MYO16: variants seen among roughly 807,000 people sequenced by gnomAD.
The protein encoded by MYO16 is unconventional myosin-XVI.
A neutral mutation model predicts 205.3 loss-of-function variants in MYO16; 94 were observed. The ratio of observed to expected loss-of-function variants is 0.46; its 90% CI spans 0.39 to 0.54. The LOEUF (loss-of-function observed/expected upper bound fraction) is 0.54. MYO16 is among the 20% of genes least tolerant of loss of function. The pLI, the probability that MYO16 is intolerant of heterozygous loss-of-function variation, is 0.00. For missense variants in MYO16, 2,315 were observed against 2,387.5 expected, an observed-to-expected ratio of 0.97 and a Z score of 0.63; for synonymous variants, 988 against 954.0, an observed-to-expected ratio of 1.04 and a Z score of -0.66.
Position 109,006,973 on chromosome 13 carries a change from G to C in MYO16, c.2443-1924G>C, listed in dbSNP as rs1157901078. On this transcript the variant is annotated intron_variant, in intron 21 of 34. Transcript: ENST00000457511. ...AGCTAGAAAGCCAAGAGAGTGTGGTGTCCCGGAGGAGAGGGGAGAAAGTGC... is the reference window on the plus strand; with the variant it reads ...AGCTAGAAAGCCAAGAGAGTGTGGTCTCCCGGAGGAGAGGGGAGAAAGTGC... Among the ~76,000 whole-genome samples, 22 of 152,274 alleles carry C rather than the reference G, an allele frequency of 1.4e-4. No individual in the cohort carries two copies. The East Asian group carries it at 4.3e-3, about 29-fold the overall frequency.
intron 16 of MYO16, among the ~76,000 whole-genome samples, chr13:108,930,840 C>G (rs1379471671): frequency 1.3e-5 from 2 of 152,052 alleles, no homozygotes; most frequent in African/African-American, 4.8e-5. Flanking sequence ...AGCATTTGCT[C>G]TATACTGTAT....
At chr13:108,526,878 T>C in the MYO16 span, among the ~76,000 whole-genome samples, 446 of 152,332 alleles carry the variant, frequency 2.9e-3, 11 homozygotes, top group East Asian at 0.047. Flanking sequence ...AGCAGAGTAC[T>C]GTCAGGGTTA....
At chr13:108,831,193 G>T (rs1043089185) in intron 9 of MYO16, among the ~76,000 whole-genome samples, 1 of 152,064 alleles carries the variant, frequency 6.6e-6, no homozygotes, top group Non-Finnish European at 1.5e-5. Context: ...GATAAATGTA[G>T]GGGCCACACA....
intron 6 of MYO16, among the ~76,000 whole-genome samples, chr13:108,805,290 T>A (rs1014983956): frequency 6.6e-5 from 10 of 152,148 alleles, no homozygotes; most frequent in Admixed American, 2.0e-4. Context: ...TGAAACAGTG[T>A]CTTCATTTAG....
At chr13:108,830,390 C>T (rs12021179) in intron 9 of MYO16, among the ~76,000 whole-genome samples, 2 of 145,580 alleles carry the variant, frequency 1.4e-5, no homozygotes, top group Admixed American at 1.4e-4. Context: ...ACTGGATTAA[C>T]AAAATGTGGC....
At chr13:108,644,362 G>GTCTGTCTGTCTGTCTGTCTA (rs1162945930) in intron 1 of MYO16, among the ~76,000 whole-genome samples, 32 of 148,000 alleles carry the variant, frequency 2.2e-4, no homozygotes, top group African/African-American at 8.0e-4. Context: ...CTGTCTGTCT[G>GTCTGTCTGTCTGTCTGTCTA]TCTATCTATC....
intron 16 of MYO16, among the ~76,000 whole-genome samples, chr13:108,936,145 CTTCT>C (rs1469347495): frequency 9.9e-4 from 134 of 134,994 alleles, no homozygotes; most frequent in African/African-American, 3.5e-3. Flanking sequence ...TCCTTCCTTC[CTTCT>C]TTCCTTCCTT....
rs538308901 is a variant in MYO16, at chr13:108,892,517, G to A, written c.1659+4040G>A. 4.6e-5 allele frequency among the ~76,000 whole-genome samples: 7 copies of A among 152,210 alleles called. No homozygotes were observed. In the South Asian group the frequency reaches 1.0e-3, roughly 23 times the overall value. On this transcript the variant is annotated intron_variant, in intron 14 of 34. Transcript: ENST00000457511. ...CAGCCTCCCAAAGTGCTGGGATTAC[G>A]GACATGAGCCACTGCACCTGGCCGG...
chr13:109,034,279 A>G (rs1242277043), intron 23 of MYO16, among the ~76,000 whole-genome samples: 1 of 152,196 alleles, frequency 6.6e-6, no homozygotes, highest in Non-Finnish European at 1.5e-5. Flanking sequence ...TTATGTCCCC[A>G]CCCAAATCTC....
At chr13:108,838,713 T>C (rs1310022179) in intron 9 of MYO16, among the ~76,000 whole-genome samples, 2 of 141,370 alleles carry the variant, frequency 1.4e-5, no homozygotes, top group East Asian at 2.1e-4. Context: ...ACACACACTA[T>C]ACATATACAC....
chr13:108,991,776 T>A (rs1217227468), intron 20 of MYO16, among the ~76,000 whole-genome samples: 2 of 151,624 alleles, frequency 1.3e-5, no homozygotes, highest in Non-Finnish European at 2.9e-5. Flanking sequence ...CCACTTGACA[T>A]GTAGGCTCAG....
chr13:108,599,702 C>A (rs926303607), intron 1 of MYO16, among the ~76,000 whole-genome samples: 2 of 152,016 alleles, frequency 1.3e-5, no homozygotes, highest in Non-Finnish European at 2.9e-5. Context: ...TCTGTGAATT[C>A]CCAGGGAGCT....
intron 31 of MYO16, among the ~76,000 whole-genome samples, chr13:109,133,810 C>G (rs1876648917): frequency 6.6e-6 from 1 of 152,268 alleles, no homozygotes; most frequent in South Asian, 2.1e-4. Flanking sequence ...TGCAAATGAA[C>G]TTTTAGCACG....
the MYO16 span, among the ~76,000 whole-genome samples, chr13:108,587,420 C>A: frequency 6.6e-6 from 1 of 152,074 alleles, no homozygotes. Context: ...AACATCAGTT[C>A]TATTAGACAA....
intron 14 of MYO16, among the ~76,000 whole-genome samples, chr13:108,893,625 A>G (rs528143985): frequency 6.6e-6 from 1 of 152,270 alleles, no homozygotes; most frequent in African/African-American, 2.4e-5. Flanking sequence ...GATAAGATGA[A>G]AGGAAAGTTC....
intron 2 of MYO16, among the ~76,000 whole-genome samples, chr13:108,689,295 C>A (rs892245351): frequency 1.3e-4 from 19 of 151,970 alleles, no homozygotes; most frequent in African/African-American, 4.6e-4. Flanking sequence ...AAAGAACCTT[C>A]AAAAATGCAT....
chr13:108,897,522 G>T (rs187372227), intron 14 of MYO16, among the ~76,000 whole-genome samples: 86 of 152,238 alleles, frequency 5.6e-4, no homozygotes, highest in African/African-American at 2.0e-3. Flanking sequence ...GATAAATGGG[G>T]GTCAGGGTTG....
intron 33 of MYO16, among the ~76,000 whole-genome samples, chr13:109,176,323 T>C (rs1352073441): frequency 6.6e-6 from 1 of 151,972 alleles, no homozygotes; most frequent in Non-Finnish European, 1.5e-5. Flanking sequence ...TTTTAATATC[T>C]GGGATCTGTA....
chr13:108,822,359 G>T (rs79409848), intron 8 of MYO16, among the ~76,000 whole-genome samples: 6,448 of 152,116 alleles, frequency 0.042, 202 homozygotes, highest in Middle Eastern at 0.085. Context: ...ATCCCAGAAG[G>T]CCACATAACT....
Sources: gnomAD v4.1 joint callset for allele counts (sites outside exome capture counted in the v4.1 genomes callset) on GRCh38, gnomAD v4.1.1 for gene constraint, MANE v1.5 for transcripts, NCBI Gene and HGNC (gene_info 2026-07-23, HGNC 2026-07-21) for gene names.